The following CDC42BPA variants were observed in gnomAD, a reference collection of about 807,000 sequenced individuals.
CDC42BPA encodes the protein serine/threonine-protein kinase MRCK alpha.
CDC42BPA carries 80 observed loss-of-function variants against 223.5 expected under a neutral mutation model. The ratio of observed to expected loss-of-function variants is 0.36; its 90% CI spans 0.30 to 0.43. The LOEUF (loss-of-function observed/expected upper bound fraction) is 0.43. Among genes scored for constraint, CDC42BPA ranks in the 20% least tolerant of loss-of-function variants. The probability of loss-of-function intolerance (pLI) is 1.00; values close to 1 mark genes in which losing one functional copy is unlikely to be tolerated. For synonymous variants in CDC42BPA, 694 were observed against 718.6 expected (o/e 0.97, Z 0.55); for missense variants, 1,743 against 2,099.9 (o/e 0.83, Z 3.32).
chr1:227,211,889 T>C (rs1673976880), intron 3 of CDC42BPA, among the ~76,000 whole-genome samples: 1 of 152,130 alleles, frequency 6.6e-6, no homozygotes, highest in South Asian at 2.1e-4. Context: ...GTCAGCAATC[T>C]GCACCTGTAT....
At position 227,297,969 on chromosome 1, in the gene CDC42BPA, C is replaced by T. The variant is rs184392729; in HGVS notation, c.178+19036G>A. 5.8e-3 allele frequency among the ~76,000 whole-genome samples: 368 copies of T among 63,038 alleles called. 1 individual carries two copies. The East Asian group carries it at 0.074, about 13-fold the overall frequency. 41.4% of individuals were successfully genotyped at this position (63,038 alleles called of 152,430 possible). A position where few individuals can be genotyped will look rare whatever the true frequency, so the allele number is the denominator to read the frequency against. ...GTGTGTGTGTGTATATATACATATA[C>T]ACACACACACACATATATACATATA... On this transcript the variant is annotated intron_variant, in intron 1 of 36. Transcript: ENST00000366766.
At chr1:227,287,770 T>C (rs548676915) in intron 1 of CDC42BPA, among the ~76,000 whole-genome samples, 67 of 152,338 alleles carry the variant, frequency 4.4e-4, no homozygotes, top group African/African-American at 1.6e-3. Flanking sequence ...ATAAGACGTA[T>C]GGTGATCAGA....
chr1:227,205,282 A>AT (rs1672485038), intron 3 of CDC42BPA, among the ~76,000 whole-genome samples: 97 of 27,306 alleles, frequency 3.6e-3, no homozygotes, highest in South Asian at 0.026. Context: ...AAAAAAAAAA[A>AT]AATATATATA....
At chr1:227,086,136 C>T (rs1381365558) in intron 16 of CDC42BPA, among the ~76,000 whole-genome samples, 1 of 152,134 alleles carries the variant, frequency 6.6e-6, no homozygotes, top group African/African-American at 2.4e-5. Context: ...GAAGTTGAAC[C>T]TCAATACTGT....
intron 1 of CDC42BPA, among the ~76,000 whole-genome samples, chr1:227,261,131 T>TTTTTTTTTTTTTC: frequency 6.9e-6 from 1 of 145,810 alleles, no homozygotes; most frequent in South Asian, 2.2e-4. Flanking sequence ...TTTCTTTTTT[T>TTTTTTTTTTTTTC]TTGAGACAGA....
At chr1:227,100,116 A>T (rs1398011568) in intron 15 of CDC42BPA, among the ~76,000 whole-genome samples, 1 of 152,146 alleles carries the variant, frequency 6.6e-6, no homozygotes, top group East Asian at 1.9e-4. Flanking sequence ...AGCTGAGTAT[A>T]ACTGATAATT....
At chr1:227,089,714 T>C (rs947966211) in intron 16 of CDC42BPA, among the ~76,000 whole-genome samples, 4 of 151,250 alleles carry the variant, frequency 2.6e-5, no homozygotes, top group Non-Finnish European at 4.4e-5. Context: ...GGCCTAAGTA[T>C]GTCCATTTCT....
At chr1:227,304,419 A>C (rs1275277481) in intron 1 of CDC42BPA, among the ~76,000 whole-genome samples, 1 of 152,030 alleles carries the variant, frequency 6.6e-6, no homozygotes, top group African/African-American at 2.4e-5. Context: ...AAAAAAACAA[A>C]AAAAGAAAAA....
chr1:227,302,485 A>G (rs1331102134), intron 1 of CDC42BPA, among the ~76,000 whole-genome samples: 1 of 152,128 alleles, frequency 6.6e-6, no homozygotes, highest in Non-Finnish European at 1.5e-5. Context: ...AAAAGGCCAA[A>G]GAGTTTCTGA....
chr1:227,252,886 C>T (rs944177283), intron 2 of CDC42BPA, among the ~76,000 whole-genome samples: 3 of 152,076 alleles, frequency 2.0e-5, no homozygotes, highest in African/African-American at 7.2e-5. Context: ...AAATTAAATT[C>T]TACTTCTAAC....
chr1:227,207,559 C>T (rs1207851788), intron 3 of CDC42BPA, among the ~76,000 whole-genome samples: 1 of 137,462 alleles, frequency 7.3e-6, no homozygotes, highest in Admixed American at 8.0e-5. Flanking sequence ...TATTCCCCTT[C>T]CTGTGTCCCT....
chr1:227,230,098 G>A (rs528839234), intron 2 of CDC42BPA, among the ~76,000 whole-genome samples: 2 of 152,288 alleles, frequency 1.3e-5, no homozygotes, highest in Admixed American at 1.3e-4. Context: ...ACTGAAACCT[G>A]AACTCCAAGT....
At chr1:227,188,358 C>A (rs988121573) in intron 5 of CDC42BPA, among the ~76,000 whole-genome samples, 1 of 150,650 alleles carries the variant, frequency 6.6e-6, no homozygotes, top group Admixed American at 6.6e-5. Flanking sequence ...CTAGGGTAAC[C>A]ATTAAGAAAA....
At chr1:227,267,769 T>G (rs1685243776) in intron 1 of CDC42BPA, among the ~76,000 whole-genome samples, 1 of 152,068 alleles carries the variant, frequency 6.6e-6, no homozygotes, top group Non-Finnish European at 1.5e-5. Context: ...AACCATCAAA[T>G]CTTGTGAGAA....
intron 28 of CDC42BPA, among the ~76,000 whole-genome samples, chr1:227,030,982 T>A (rs1572365882): frequency 6.6e-6 from 1 of 152,320 alleles, no homozygotes; most frequent in South Asian, 2.1e-4. Context: ...AATTACCATC[T>A]GTATTTTATA....
chr1:226,998,414 C>T (rs576016715), intron 35 of CDC42BPA, among the ~76,000 whole-genome samples: 40 of 152,114 alleles, frequency 2.6e-4, no homozygotes, highest in Non-Finnish European at 3.4e-4. Flanking sequence ...GCTACAGTAA[C>T]CAAAACAACA....
chr1:227,253,650 T>A (rs76923341), intron 2 of CDC42BPA, among the ~76,000 whole-genome samples: 3,173 of 94,444 alleles, frequency 0.034, 130 homozygotes, highest in African/African-American at 0.13. Context: ...ATACATACAT[T>A]CATACATAAA....
chr1:227,059,673 T>C (rs116024814), intron 21 of CDC42BPA, among the ~76,000 whole-genome samples: 1,570 of 152,268 alleles, frequency 0.01, 32 homozygotes, highest in African/African-American at 0.035. Flanking sequence ...CATCAAGTGA[T>C]AGACAATTTC....
intron 2 of CDC42BPA, among the ~76,000 whole-genome samples, chr1:227,216,272 G>A (rs1047580452): frequency 7.2e-5 from 11 of 152,118 alleles, no homozygotes; most frequent in Non-Finnish European, 1.3e-4. Flanking sequence ...ATGGAATGAG[G>A]TAGTATGGGA....
Sources: allele counts gnomAD v4.1 joint callset (sites outside exome capture counted in the v4.1 genomes callset), GRCh38; gene constraint gnomAD v4.1.1; transcripts MANE v1.5; gene names NCBI Gene and HGNC (gene_info 2026-07-23, HGNC 2026-07-21).